The following BRINP3 variants were observed in gnomAD, a reference collection of about 807,000 sequenced individuals.
BRINP3 encodes the protein BMP/retinoic acid inducible neural specific 3.
A neutral mutation model predicts 71.0 loss-of-function variants in BRINP3; 19 were observed. That is an observed-to-expected ratio of 0.27 (90% confidence interval 0.19 to 0.39). The LOEUF is 0.39. Among genes scored for constraint, BRINP3 ranks in the 10% least tolerant of loss-of-function variants. The pLI is 1.00. For synonymous variants in BRINP3, 380 were observed against 337.7 expected, an observed-to-expected ratio of 1.13 and a Z score of -1.37; for missense variants, 959 against 940.8, an observed-to-expected ratio of 1.02 and a Z score of -0.25.
chr1:190,278,849 A>T (rs1662824502), intron 3 of BRINP3, among the ~76,000 whole-genome samples: 1 of 151,562 alleles, frequency 6.6e-6, no homozygotes, highest in South Asian at 2.1e-4. Context: ...CAAATTTTGA[A>T]ACATGGTGTA....
At chr1:190,103,507 A>T (rs1651876165) in intron 7 of BRINP3, among the ~76,000 whole-genome samples, 1 of 152,192 alleles carries the variant, frequency 6.6e-6, no homozygotes, top group African/African-American at 2.4e-5. Flanking sequence ...AATTTCTAGG[A>T]GTAGGATTCA....
At chr1:190,409,051 T>A (rs1285569884) in intron 2 of BRINP3, among the ~76,000 whole-genome samples, 9 of 152,166 alleles carry the variant, frequency 5.9e-5, no homozygotes, top group African/African-American at 7.2e-5. Context: ...AGGACAGCCA[T>A]CCACACTGAA....
Position 190,382,396 on chromosome 1 carries a change from A to C in BRINP3, c.236+72259T>G, listed in dbSNP as rs187958973. Among the ~76,000 whole-genome samples the C allele has an allele frequency of 4.0e-3, 613 of 152,296 alleles. 3 individuals carry two copies. Among genetic ancestry groups the C allele is most frequent in the Non-Finnish European group, 6.9e-3 (472 of 68,028 alleles). On this transcript the variant is annotated intron_variant, in intron 2 of 7. Transcript: ENST00000367462. ...TGCATATTCAATAGCTGCTAAGAAA[A>C]TTAGAAATGTGGACTCATTTAATGA...
intron 4 of BRINP3, among the ~76,000 whole-genome samples, chr1:190,242,393 T>A (rs2102774825): frequency 6.6e-6 from 1 of 152,168 alleles, no homozygotes; most frequent in African/African-American, 2.4e-5. Flanking sequence ...GTCAATATTT[T>A]CTTGGGCCTT....
chr1:190,234,316 G>A (rs770057101), intron 5 of BRINP3, 56 bp downstream of exon 5: 32 of 1,307,784 alleles, frequency 2.4e-5, no homozygotes, highest in Middle Eastern at 1.9e-4. Context: ...AAGAAATCAC[G>A]ACTGGATAAT....
rs117627249 is a variant in BRINP3, at chr1:190,387,510, T to A, written c.236+67145A>T. Among the ~76,000 whole-genome samples the A allele has an allele frequency of 4.2e-3, 638 of 151,982 alleles. 39 individuals carry two copies. In the East Asian group the frequency reaches 0.11, roughly 27 times the overall value. On this transcript the variant is annotated intron_variant, in intron 2 of 7. Transcript: ENST00000367462. Reference sequence around the variant, plus strand: ...GCATACTAAAATTTCAGGAAGGCAATGAAAACTAGAGACCATTATGAGAAG... The same window carrying A: ...GCATACTAAAATTTCAGGAAGGCAAAGAAAACTAGAGACCATTATGAGAAG...
At chr1:190,316,208 C>T (rs1178426258) in intron 2 of BRINP3, among the ~76,000 whole-genome samples, 1 of 152,074 alleles carries the variant, frequency 6.6e-6, no homozygotes, top group Non-Finnish European at 1.5e-5. Context: ...GTTACTGAAA[C>T]TTCGTGGTTT....
chr1:190,220,274 C>T (rs1222435765), intron 6 of BRINP3, among the ~76,000 whole-genome samples: 6 of 152,038 alleles, frequency 3.9e-5, no homozygotes, highest in African/African-American at 1.2e-4. Context: ...CCATCATTCT[C>T]AGCTAACTAT....
intron 3 of BRINP3, among the ~76,000 whole-genome samples, chr1:190,267,657 C>T (rs114833488): frequency 1.3e-3 from 202 of 151,802 alleles, no homozygotes; most frequent in African/African-American, 4.5e-3. Context: ...GAAAAAACAC[C>T]GATTAGTTAA....
At chr1:190,392,777 G>C (rs1671331963) in intron 2 of BRINP3, among the ~76,000 whole-genome samples, 1 of 151,050 alleles carries the variant, frequency 6.6e-6, no homozygotes, top group South Asian at 2.1e-4. Context: ...CACTGTAAGG[G>C]GAAAAAAATC....
At chr1:190,233,910 A>G (rs1339419686) in intron 5 of BRINP3, among the ~76,000 whole-genome samples, 3 of 152,212 alleles carry the variant, frequency 2.0e-5, no homozygotes, top group East Asian at 1.9e-4. Flanking sequence ...TTTTGTTAAT[A>G]TATCCTTAAG....
chr1:190,306,833 T>C (rs975142081), intron 2 of BRINP3, among the ~76,000 whole-genome samples: 2 of 152,002 alleles, frequency 1.3e-5, no homozygotes, highest in African/African-American at 2.4e-5. Context: ...GTAATTCTTA[T>C]GCATAAAATT....
At chr1:190,353,453 T>C (rs1558209736) in intron 2 of BRINP3, among the ~76,000 whole-genome samples, 1 of 151,976 alleles carries the variant, frequency 6.6e-6, no homozygotes, top group South Asian at 2.1e-4. Context: ...TACAATTTGG[T>C]TTAATTAAAA....
chr1:190,371,038 T>G (rs1055281613), intron 2 of BRINP3, among the ~76,000 whole-genome samples: 4 of 152,204 alleles, frequency 2.6e-5, no homozygotes, highest in Non-Finnish European at 5.9e-5. Flanking sequence ...TTTGTTCAAT[T>G]GCTATTGAAT....
chr1:190,338,127 C>T (rs958869628), intron 2 of BRINP3, among the ~76,000 whole-genome samples: 1 of 152,062 alleles, frequency 6.6e-6, no homozygotes, highest in African/African-American at 2.4e-5. Context: ...CAAATCTAAA[C>T]TTGACATTTT....
rs182705344 is a variant in BRINP3 at position 190,372,917 on chromosome 1, G to A, written c.236+81738C>T. On this transcript the variant is annotated intron_variant, in intron 2 of 7. Transcript: ENST00000367462. ...AACAAAAAATCTAAATAAAATATTA[G>A]AGAATAAATTCCAGGACCTCATTTA... 6.6e-5 allele frequency among the ~76,000 whole-genome samples: 10 copies of A among 152,102 alleles called. No homozygotes were observed. The East Asian group carries it at 1.9e-3, about 29-fold the overall frequency.
intron 2 of BRINP3, among the ~76,000 whole-genome samples, chr1:190,356,354 G>T (rs1005041881): frequency 6.6e-6 from 1 of 151,862 alleles, no homozygotes; most frequent in Non-Finnish European, 1.5e-5. Context: ...CCTATGACCC[G>T]ATAAGAAGAT....
rs1049078649 is a variant in BRINP3 at position 190,320,100 on chromosome 1, T to C, written c.237-38350A>G. Among the ~76,000 whole-genome samples the C allele has an allele frequency of 9.2e-5, 14 of 152,114 alleles. 1 individual carries two copies. Among genetic ancestry groups the C allele is most frequent in the Admixed American group, 2.0e-4 (3 of 15,244 alleles). On this transcript the variant is annotated intron_variant, in intron 2 of 7. Coordinates refer to ENST00000367462, the MANE Select transcript of BRINP3 (RefSeq NM_199051.3). ...CTTTGACTTTAAGCAATACAATGTA[T>C]AATAATGAAACAAATTTTAACACAG...
intron 2 of BRINP3, among the ~76,000 whole-genome samples, chr1:190,373,035 T>G (rs1669959775): frequency 6.6e-6 from 1 of 152,140 alleles, no homozygotes; most frequent in African/African-American, 2.4e-5. Flanking sequence ...AGACATTAAA[T>G]AGCTGAGAAG....
Sources: allele counts gnomAD v4.1 joint callset (sites outside exome capture counted in the v4.1 genomes callset), GRCh38; gene constraint gnomAD v4.1.1; transcripts MANE v1.5; gene names NCBI Gene and HGNC (gene_info 2026-07-23, HGNC 2026-07-21).